The following CSMD3 variants were observed in gnomAD, a reference collection of about 807,000 sequenced individuals.
CSMD3 encodes CUB and sushi domain-containing protein 3.
CSMD3 carries 177 observed loss-of-function variants against 435.2 expected under a neutral mutation model. That is an observed-to-expected ratio of 0.41 (90% CI 0.36 to 0.46). The LOEUF is 0.46. CSMD3 is among the 20% of genes least tolerant of loss of function. The pLI, the probability that CSMD3 is intolerant of heterozygous loss-of-function variation, is 0.34. For synonymous variants in CSMD3, 1,656 were observed against 1,520.5 expected (o/e 1.09, Z -2.07); for missense variants, 4,265 against 4,504.6 (o/e 0.95, Z 1.52).
intron 20 of CSMD3, among the ~76,000 whole-genome samples, chr8:112,644,272 T>C (rs1350482866): frequency 6.6e-6 from 1 of 151,910 alleles, no homozygotes; most frequent in Non-Finnish European, 1.5e-5. Flanking sequence ...TACATACTTA[T>C]ACACTTCTAA....
chr8:112,858,417 C>T (rs1056253343), intron 11 of CSMD3, among the ~76,000 whole-genome samples: 21 of 151,642 alleles, frequency 1.4e-4, no homozygotes, highest in African/African-American at 5.1e-4. Flanking sequence ...TAAAATCTAG[C>T]CCAAAGAAGT....
chr8:112,490,345 C>T (rs11993544), intron 31 of CSMD3, among the ~76,000 whole-genome samples: 2,643 of 152,164 alleles, frequency 0.017, 79 homozygotes, highest in African/African-American at 0.06. Flanking sequence ...ATGAACTATT[C>T]AACCAACATT....
intron 4 of CSMD3, among the ~76,000 whole-genome samples, chr8:113,143,583 C>T (rs762242976): frequency 5.9e-5 from 9 of 151,350 alleles, no homozygotes; most frequent in Admixed American, 3.3e-4. Flanking sequence ...AAATAAACTA[C>T]AGTACATTCA....
intron 1 of CSMD3, chr8:113,376,875 G>A: frequency 6.2e-7 from 1 of 1,609,672 alleles, no homozygotes; most frequent in Non-Finnish European, 8.5e-7. Flanking sequence ...TGATCTGGAA[G>A]ATGAAGCTTC....
intron 22 of CSMD3, among the ~76,000 whole-genome samples, chr8:112,635,107 A>G (rs2074620643): frequency 6.6e-6 from 1 of 152,124 alleles, no homozygotes; most frequent in Admixed American, 6.6e-5. Context: ...TTCCCACTGT[A>G]ATTGATTTTA....
At chr8:113,416,510 A>G (rs898976714) in intron 1 of CSMD3, among the ~76,000 whole-genome samples, 4 of 152,134 alleles carry the variant, frequency 2.6e-5, no homozygotes, top group African/African-American at 9.7e-5. Context: ...TTCCATTTAT[A>G]TAAAGGATGC....
At chr8:112,682,784 A>T in intron 15 of CSMD3, 148 bp from the exon 16 acceptor site, 2 of 673,974 alleles carry the variant, frequency 3.0e-6, no homozygotes. Context: ...ATTTACTTTA[A>T]ATTTGGAGGT....
rs186822248 is a variant in CSMD3 at position 113,133,795 on chromosome 8, G to A, written c.710-34832C>T. ...TCACATTATAAAGTGAAATAAATCC[G>A]TTATCAAAATAAATATTGTATGATT... On this transcript the variant is annotated intron_variant, in intron 4 of 70. Coordinates refer to ENST00000297405, the MANE Select transcript of CSMD3 (RefSeq NM_198123.2). Among the ~76,000 whole-genome samples the A allele has an allele frequency of 1.5e-3, 235 of 152,084 alleles. 1 individual carries two copies. Among genetic ancestry groups the A allele is most frequent in the South Asian group, 4.4e-3 (21 of 4,818 alleles).
intron 5 of CSMD3, among the ~76,000 whole-genome samples, chr8:113,097,792 C>T (rs1351363022): frequency 6.6e-6 from 1 of 152,054 alleles, no homozygotes. Context: ...GTGAATATTA[C>T]TACTGCCTTC....
intron 7 of CSMD3, among the ~76,000 whole-genome samples, chr8:112,968,409 C>A (rs2084505640): frequency 6.6e-6 from 1 of 151,628 alleles, no homozygotes; most frequent in Non-Finnish European, 1.5e-5. Flanking sequence ...CCATTACAAC[C>A]TATGCTTGAA....
intron 5 of CSMD3, among the ~76,000 whole-genome samples, chr8:113,096,711 T>C (rs1237088813): frequency 6.6e-6 from 1 of 152,076 alleles, no homozygotes; most frequent in Non-Finnish European, 1.5e-5. Flanking sequence ...CCATGGTCAT[T>C]CTTTTCTAGC....
chr8:113,405,517 C>G (rs1158739761), intron 1 of CSMD3, among the ~76,000 whole-genome samples: 1 of 151,412 alleles, frequency 6.6e-6, no homozygotes, highest in East Asian at 1.9e-4. Flanking sequence ...TTTTAAAAAC[C>G]TGGAAATTAT....
chr8:112,352,395 A>G lies in CSMD3; in HGVS notation c.6255+21T>C, dbSNP rs369403966. ...TGAAAGGGCCATGAAAATCAAAACCACAACTTTAAAATAGACTTACCTGAA... is the reference window on the plus strand; with the variant it reads ...TGAAAGGGCCATGAAAATCAAAACCGCAACTTTAAAATAGACTTACCTGAA... On this transcript the variant is annotated intron_variant, in intron 39 of 70. Transcript: ENST00000297405. 5.6e-6 allele frequency: 9 copies of G among 1,612,774 alleles called. No homozygotes were observed. In the South Asian group the frequency reaches 9.9e-5, roughly 18 times the overall value.
At chr8:112,587,597 A>G (rs1007913708) in intron 22 of CSMD3, among the ~76,000 whole-genome samples, 1 of 151,848 alleles carries the variant, frequency 6.6e-6, no homozygotes, top group Non-Finnish European at 1.5e-5. Flanking sequence ...AGCTCTTTTA[A>G]ATGAAAGGGT....
At chr8:113,418,495 G>A (rs562218968) in intron 1 of CSMD3, among the ~76,000 whole-genome samples, 2 of 151,978 alleles carry the variant, frequency 1.3e-5, no homozygotes, top group African/African-American at 4.8e-5. Context: ...AGAAAGATGT[G>A]GTTAAGTCAA....
chr8:112,722,138 T>C (rs762334281), intron 13 of CSMD3, among the ~76,000 whole-genome samples: 1 of 151,482 alleles, frequency 6.6e-6, no homozygotes, highest in African/African-American at 2.4e-5. Context: ...CAAATCATTA[T>C]TGGGATAATC....
At chr8:112,556,095 T>A (rs966692069) in intron 25 of CSMD3, among the ~76,000 whole-genome samples, 2 of 151,970 alleles carry the variant, frequency 1.3e-5, no homozygotes, top group Non-Finnish European at 2.9e-5. Context: ...ACTTGGTCTT[T>A]AGAGCAGAAA....
intron 49 of CSMD3, among the ~76,000 whole-genome samples, chr8:112,312,575 C>T (rs1466569834): frequency 7.2e-5 from 11 of 151,986 alleles, no homozygotes; most frequent in Admixed American, 7.2e-4. Flanking sequence ...TTTTTTAAAA[C>T]ACGTCTACTT....
chr8:112,609,557 T>C (rs1164488451), intron 22 of CSMD3, among the ~76,000 whole-genome samples: 1 of 152,186 alleles, frequency 6.6e-6, no homozygotes, highest in East Asian at 1.9e-4. Context: ...CCCTTATACA[T>C]TGTTGGTGGG....
Sources: allele counts gnomAD v4.1 joint callset (sites outside exome capture counted in the v4.1 genomes callset), GRCh38; gene constraint gnomAD v4.1.1; transcripts MANE v1.5; gene names NCBI Gene and HGNC (gene_info 2026-07-23, HGNC 2026-07-21).